GSPT1: variants seen among roughly 807,000 people sequenced by gnomAD.
The protein encoded by GSPT1 is G1 to S phase transition 1, also known as eukaryotic peptide chain release factor GTP-binding subunit ERF3A.
A neutral mutation model predicts 72.5 loss-of-function variants in GSPT1; 20 were observed. The ratio of observed to expected loss-of-function variants is 0.28; its 90% CI spans 0.19 to 0.40. The LOEUF (loss-of-function observed/expected upper bound fraction) is 0.40. Ranked by LOEUF, GSPT1 falls within the 10% of genes least tolerant of loss-of-function variation. The probability of loss-of-function intolerance (pLI) is 1.00; values close to 1 mark genes in which losing one functional copy is unlikely to be tolerated. For missense variants in GSPT1, 580 were observed against 811.9 expected (o/e 0.71, Z 3.47); for synonymous variants, 334 against 293.5 (o/e 1.14, Z -1.41).
chr16:11,900,718 G>A (rs757999454), intron 1 of GSPT1, among the ~76,000 whole-genome samples: 3 of 152,118 alleles, frequency 2.0e-5, no homozygotes, highest in Non-Finnish European at 4.4e-5. Flanking sequence ...GGAAAATGAC[G>A]GGTGTGGTGG....
intron 1 of GSPT1, among the ~76,000 whole-genome samples, chr16:11,904,551 T>G (rs76345601): frequency 6.6e-6 from 1 of 151,546 alleles, no homozygotes; most frequent in African/African-American, 2.4e-5. Flanking sequence ...GAGTGTACAA[T>G]TTTTTTTTAA....
At chr16:11,894,577 A>G (rs1018492858) in intron 5 of GSPT1, among the ~76,000 whole-genome samples, 2 of 152,168 alleles carry the variant, frequency 1.3e-5, no homozygotes, top group South Asian at 4.1e-4. Flanking sequence ...TTCATTTTTT[A>G]TTTTTAAAAA....
chr16:11,892,526 A>AAAAT (rs2054278583), intron 5 of GSPT1, among the ~76,000 whole-genome samples: 4 of 144,478 alleles, frequency 2.8e-5, no homozygotes, highest in African/African-American at 1.1e-4. Flanking sequence ...AAAAAAACAA[A>AAAAT]AAAAACAAAA....
intron 1 of GSPT1, among the ~76,000 whole-genome samples, chr16:11,909,159 C>T (rs998320193): frequency 3.3e-5 from 5 of 151,904 alleles, no homozygotes; most frequent in Admixed American, 6.6e-5. Context: ...TGAGTGTCAC[C>T]ACTGTTAGGT....
intron 1 of GSPT1, among the ~76,000 whole-genome samples, chr16:11,907,169 A>G (rs1467579641): frequency 6.6e-6 from 1 of 152,246 alleles, no homozygotes; most frequent in African/African-American, 2.4e-5. Flanking sequence ...GACAAATGTC[A>G]TTCTGCTACT....
chr16:11,886,387 A>G (rs953326971), intron 9 of GSPT1, 84 bp downstream of exon 9: 3 of 818,982 alleles, frequency 3.7e-6, no homozygotes, highest in Admixed American at 5.5e-5. Context: ...ATATGTTAAC[A>G]TGTTACTCAG....
chr16:11,915,881 G>C lies in GSPT1; in HGVS notation c.-161C>G. Reference sequence around the variant, plus strand: ...CGGCGTCGCCGCGGCAGCAGCTCCAGTCCCGACTCCACACTCGCGACGACG... The same window carrying C: ...CGGCGTCGCCGCGGCAGCAGCTCCACTCCCGACTCCACACTCGCGACGACG... On this transcript the variant is annotated 5_prime_UTR_variant, in exon 1 of 15. Transcript: ENST00000434724. The C allele has an allele frequency of 9.4e-7, 1 of 1,062,828 alleles. No individual in the cohort carries two copies. Among genetic ancestry groups the C allele is most frequent in the Admixed American group, 1.7e-5 (1 of 58,552 alleles). The allele number at this position is 1,062,828 out of a possible 1,614,324, so 65.8% of individuals were successfully genotyped here.
chr16:11,909,735 G>C (rs1026399952), intron 1 of GSPT1, among the ~76,000 whole-genome samples: 1 of 152,078 alleles, frequency 6.6e-6, no homozygotes, highest in African/African-American at 2.4e-5. Flanking sequence ...GACCAGCCTG[G>C]GCAACATGGT....
chr16:11,894,873 T>C, intron 5 of GSPT1, 81 bp downstream of exon 5: 4 of 838,046 alleles, frequency 4.8e-6, no homozygotes, highest in East Asian at 2.7e-5. Flanking sequence ...ATCTCCTTTG[T>C]GTGACTGTAT....
rs189852531 is a variant in GSPT1, at chr16:11,873,528, C to A, written c.1862-357G>T. ...ATTTCACCATGTTGGCCAGGCTGGT[C>A]TTGAACTCCTGACCTCAGGTGATCC... On this transcript the variant is annotated intron_variant, in intron 14 of 14. Transcript: ENST00000434724. 7.6e-3 allele frequency among the ~76,000 whole-genome samples: 1,150 copies of A among 152,244 alleles called. 11 individuals are homozygous for A. Among genetic ancestry groups the A allele is most frequent in the African/African-American group, 0.027 (1,102 of 41,540 alleles).
intron 5 of GSPT1, among the ~76,000 whole-genome samples, chr16:11,891,694 G>A (rs993003879): frequency 7.2e-5 from 10 of 138,072 alleles, no homozygotes; most frequent in Non-Finnish European, 1.2e-4. Flanking sequence ...ACAGGGTCTC[G>A]CTCTGTCGCC....
rs571681170 is a variant in GSPT1 at position 11,905,546 on chromosome 16, G to T, written c.353-7511C>A. On this transcript the variant is annotated intron_variant, in intron 1 of 14. Transcript: ENST00000434724. ...CTCTTTAAATTAGAGGCACACATGGGGACCAGGTGCAGTGGCTCACACCTG... is the reference window on the plus strand; with the variant it reads ...CTCTTTAAATTAGAGGCACACATGGTGACCAGGTGCAGTGGCTCACACCTG... 9.9e-5 allele frequency among the ~76,000 whole-genome samples: 15 copies of T among 152,194 alleles called. No individual in the cohort carries two copies. In the South Asian group the frequency reaches 3.1e-3, roughly 32 times the overall value.
Position 11,868,362 on chromosome 16 carries a change from T to TTTTTG in GSPT1, c.*4756_*4757insCAAAA, listed in dbSNP as rs1555502859. 6.6e-6 allele frequency: 1 copy of TTTTTG among 151,086 alleles called. No homozygotes were observed. The highest frequency in any genetic ancestry group is 1.5e-5 in the Non-Finnish European group (1 of 67,720). 9.4% of individuals were successfully genotyped at this position (151,086 alleles called of 1,614,324 possible). A position where few individuals can be genotyped will look rare whatever the true frequency, so the allele number is the denominator to read the frequency against. On this transcript the variant is annotated 3_prime_UTR_variant, in exon 15 of 15. Transcript: ENST00000434724. Reference sequence around the variant, plus strand: ...CTGATCAGTTCCCTTTAATCCTGTTTTTTTTTTTTTTTTTTAAATGAGATC... The same window carrying TTTTTG: ...CTGATCAGTTCCCTTTAATCCTGTTTTTTTGTTTTTTTTTTTTTTTAAATGAGATC...
intron 5 of GSPT1, among the ~76,000 whole-genome samples, chr16:11,892,978 G>C (rs2054288660): frequency 6.6e-6 from 1 of 151,826 alleles, no homozygotes; most frequent in Non-Finnish European, 1.5e-5. Flanking sequence ...ATGGTTATAA[G>C]ATGTCAACAT....
At chr16:11,895,171 C>T in intron 4 of GSPT1, 184 bp from the exon 5 acceptor site, 1 of 496,398 alleles carries the variant, frequency 2.0e-6, no homozygotes, top group Non-Finnish European at 3.7e-6. Flanking sequence ...TGGCTCACGC[C>T]TGTAATTCCA....
At position 11,892,603 on chromosome 16, in the gene GSPT1, C is replaced by T. The variant is rs112255384; in HGVS notation, c.699-1464G>A. Among the ~76,000 whole-genome samples, 94 of 149,968 alleles carry T rather than the reference C, an allele frequency of 6.3e-4. 3 individuals are homozygous for T. In the East Asian group the frequency reaches 0.018, roughly 28 times the overall value. ...CAGCACTTTGCGAGGCCAAAGCAGG[C>T]GGATCACAAGGTCAGGAGTTCAAGA... On this transcript the variant is annotated intron_variant, in intron 5 of 14. Coordinates refer to ENST00000434724, the MANE Select transcript of GSPT1 (RefSeq NM_002094.4).
intron 6 of GSPT1, among the ~76,000 whole-genome samples, chr16:11,889,932 C>T (rs1002030094): frequency 6.0e-5 from 9 of 149,942 alleles, no homozygotes; most frequent in Admixed American, 1.3e-4. Context: ...TGAGTCACCG[C>T]GCCTGGCCCA....
chr16:11,904,061 T>C (rs2054453030), intron 1 of GSPT1: 1 of 228,248 alleles, frequency 4.4e-6, no homozygotes, highest in African/African-American at 2.3e-5. Context: ...ACACCATGAA[T>C]GCTCCAAACA....
intron 5 of GSPT1, among the ~76,000 whole-genome samples, chr16:11,893,249 G>C (rs1214440240): frequency 6.6e-6 from 1 of 151,932 alleles, no homozygotes; most frequent in Non-Finnish European, 1.5e-5. Context: ...CCTCCGGCCT[G>C]GGCAACACAG....
Sources: gnomAD v4.1 joint callset for allele counts (sites outside exome capture counted in the v4.1 genomes callset) on GRCh38, gnomAD v4.1.1 for gene constraint, MANE v1.5 for transcripts, NCBI Gene and HGNC (gene_info 2026-07-23, HGNC 2026-07-21) for gene names.